Variants in PCDH11Y observed in about 807,000 individuals in gnomAD.
The protein encoded by PCDH11Y is protocadherin-11 Y-linked.
For synonymous variants in PCDH11Y, 9 were observed against 83.6 expected (o/e 0.11, Z 4.87); for missense variants, 12 against 224.8 (o/e 0.05, Z 6.05).
chrY:5,261,698 T>TA (rs2053018636), intron 2 of PCDH11Y, among the ~76,000 whole-genome samples: 1 of 32,794 alleles, frequency 3.0e-5, no homozygotes, highest in Non-Finnish European at 7.5e-5. Flanking sequence ...TGCACCTATC[T>TA]ACTCATCATC....
At chrY:5,170,146 G>A (rs2052885160) in intron 2 of PCDH11Y, among the ~76,000 whole-genome samples, 1 of 31,518 alleles carries the variant, frequency 3.2e-5, no homozygotes, top group Non-Finnish European at 7.8e-5. Context: ...TTATCTTTAC[G>A]TGAAGGACAG....
intron 2 of PCDH11Y, among the ~76,000 whole-genome samples, chrY:5,136,900 T>C: frequency 3.0e-5 from 1 of 33,587 alleles, no homozygotes; most frequent in South Asian, 6.7e-4. Context: ...GGAAAACTTA[T>C]TTGAGCAAAT....
At chrY:5,376,616 C>T (rs2124673906) in intron 2 of PCDH11Y, among the ~76,000 whole-genome samples, 2 of 33,139 alleles carry the variant, frequency 6.0e-5, no homozygotes, top group African/African-American at 1.2e-4. Flanking sequence ...CTTAATTCTA[C>T]GGTTCTTTTT....
At chrY:5,185,342 G>A in intron 2 of PCDH11Y, among the ~76,000 whole-genome samples, 1 of 33,133 alleles carries the variant, frequency 3.0e-5, no homozygotes. Context: ...GCCTCCCAAA[G>A]TTCTGAGATT....
At chrY:5,079,116 C>T in intron 1 of PCDH11Y, among the ~76,000 whole-genome samples, 1 of 33,690 alleles carries the variant, frequency 3.0e-5, no homozygotes, top group Non-Finnish European at 7.4e-5. Context: ...TCTCCTTTGA[C>T]ACCATGTCTC....
chrY:5,444,675 C>T, intron 2 of PCDH11Y, among the ~76,000 whole-genome samples: 3 of 31,261 alleles, frequency 9.6e-5, no homozygotes, highest in African/African-American at 3.7e-4. Flanking sequence ...AAACCTACTC[C>T]TACTACATGA....
chrY:5,093,301 AC>A (rs2052744337), intron 1 of PCDH11Y, among the ~76,000 whole-genome samples: 1 of 32,959 alleles, frequency 3.0e-5, no homozygotes, highest in Non-Finnish European at 7.6e-5. Flanking sequence ...AATATCACTC[AC>A]AAATGAAGGT....
chrY:5,396,859 C>T (rs2053227839), intron 2 of PCDH11Y, among the ~76,000 whole-genome samples: 1 of 32,003 alleles, frequency 3.1e-5, no homozygotes, highest in Admixed American at 2.9e-4. Context: ...TGGGTTCAAG[C>T]TATTCTCCTG....
At chrY:5,232,443 G>T in intron 2 of PCDH11Y, among the ~76,000 whole-genome samples, 1 of 31,820 alleles carries the variant, frequency 3.1e-5, no homozygotes, top group Non-Finnish European at 7.7e-5. Context: ...AAGGCAGCAG[G>T]TTCCCTTCTG....
chrY:5,275,810 A>G, intron 2 of PCDH11Y, among the ~76,000 whole-genome samples: 2 of 33,199 alleles, frequency 6.0e-5, no homozygotes, highest in African/African-American at 2.3e-4. Context: ...TTTTTGTCCT[A>G]ATGTCTCTTT....
At chrY:5,402,652 CT>C (rs2053234658) in intron 2 of PCDH11Y, among the ~76,000 whole-genome samples, 1 of 18,864 alleles carries the variant, frequency 5.3e-5, no homozygotes, top group Non-Finnish European at 1.2e-4. Context: ...TTAGTTATTT[CT>C]TTTTTTTTTT....
intron 2 of PCDH11Y, among the ~76,000 whole-genome samples, chrY:5,122,924 A>C: frequency 3.0e-5 from 1 of 33,094 alleles, no homozygotes; most frequent in African/African-American, 1.2e-4. Flanking sequence ...TAAGCACATG[A>C]AATCAAATTC....
intron 4 of PCDH11Y, among the ~76,000 whole-genome samples, chrY:5,603,621 G>A: frequency 3.3e-5 from 1 of 30,631 alleles, no homozygotes; most frequent in Non-Finnish European, 7.7e-5. Context: ...ATCCTGTATC[G>A]ATGATCCTGA....
At chrY:5,549,600 T>A in intron 3 of PCDH11Y, among the ~76,000 whole-genome samples, 1 of 33,659 alleles carries the variant, frequency 3.0e-5, no homozygotes, top group African/African-American at 1.2e-4. Flanking sequence ...GCAATCCCAT[T>A]ACTGGGTGTA....
At chrY:5,632,755 G>T (rs2053513436) in intron 4 of PCDH11Y, among the ~76,000 whole-genome samples, 1 of 28,614 alleles carries the variant, frequency 3.5e-5, no homozygotes, top group Non-Finnish European at 8.3e-5. Context: ...TAACAACTCA[G>T]GCTTGAAATG....
intron 2 of PCDH11Y, among the ~76,000 whole-genome samples, chrY:5,439,070 G>A (rs2053277826): frequency 3.2e-5 from 1 of 31,436 alleles, no homozygotes; most frequent in South Asian, 7.4e-4. Flanking sequence ...GTGTTAATTC[G>A]TTTAGGATAA....
intron 4 of PCDH11Y, among the ~76,000 whole-genome samples, chrY:5,700,564 T>C (rs2053576809): frequency 3.0e-5 from 1 of 33,700 alleles, no homozygotes; most frequent in African/African-American, 1.2e-4. Flanking sequence ...CTCTCTTGCC[T>C]ATTGCCATGT....
chrY:5,156,297 C>T (rs2052869773), intron 2 of PCDH11Y, among the ~76,000 whole-genome samples: 1 of 31,998 alleles, frequency 3.1e-5, no homozygotes, highest in East Asian at 8.5e-4. Flanking sequence ...TTTTCATTAA[C>T]ATCTTACAGT....
At chrY:5,599,774 A>G (rs2053470759) in intron 4 of PCDH11Y, among the ~76,000 whole-genome samples, 1 of 33,495 alleles carries the variant, frequency 3.0e-5, no homozygotes. Context: ...TATCCATTCC[A>G]TATATTTCCA....
Sources: gnomAD v4.1 joint callset for allele counts (sites outside exome capture counted in the v4.1 genomes callset) on GRCh38, gnomAD v4.1.1 for gene constraint, MANE v1.5 for transcripts, NCBI Gene and HGNC (gene_info 2026-07-23, HGNC 2026-07-21) for gene names.